ERO1B: variants seen among roughly 807,000 people sequenced by gnomAD.
ERO1B encodes the protein ERO1-like protein beta.
ERO1B carries 49 observed loss-of-function variants against 75.3 expected under a neutral mutation model. The ratio of observed to expected loss-of-function variants is 0.65; its 90% confidence interval spans 0.52 to 0.83. The LOEUF is 0.83. Ranked by LOEUF, ERO1B falls within the 40% of genes least tolerant of loss-of-function variation. The pLI is 0.00. For synonymous variants in ERO1B, 191 were observed against 192.9 expected (o/e 0.99, Z 0.08); for missense variants, 512 against 560.1 (o/e 0.91, Z 0.87).
chr1:236,253,530 A>G (rs1665090096), intron 2 of ERO1B, 25 bp from the exon 3 acceptor site: 1 of 1,494,360 alleles, frequency 6.7e-7, no homozygotes, highest in South Asian at 1.2e-5. Flanking sequence ...CAAAGTTAGT[A>G]AACTCATATT....
chr1:236,245,858 C>A (rs1222060063), intron 5 of ERO1B, among the ~76,000 whole-genome samples: 1 of 151,610 alleles, frequency 6.6e-6, no homozygotes, highest in African/African-American at 2.4e-5. Flanking sequence ...TCCCAAAGTG[C>A]TAGGATTACA....
At chr1:236,265,077 C>T (rs1194014771) in intron 2 of ERO1B, among the ~76,000 whole-genome samples, 1 of 149,534 alleles carries the variant, frequency 6.7e-6, no homozygotes, top group Admixed American at 6.7e-5. Flanking sequence ...AGAGCCATCA[C>T]ACTGGATAGT....
chr1:236,281,031 C>A (rs1187600782), intron 1 of ERO1B, among the ~76,000 whole-genome samples: 1 of 152,176 alleles, frequency 6.6e-6, no homozygotes, highest in Non-Finnish European at 1.5e-5. Context: ...CCTCCATCCA[C>A]GAGCCACAAC....
rs541393291 is a variant in ERO1B, at chr1:236,235,709, GT to G, written c.673+79del. On this transcript the variant is annotated intron_variant, in intron 8 of 15. Coordinates refer to ENST00000354619, the MANE Select transcript of ERO1B (RefSeq NM_019891.4). ...AATTAAACAAAATATAAAAATGAAA[GT>G]TTTTTCAATATGAAGTTTAGTTATA... is the stretch of plus-strand genomic sequence containing the variant. 2,516 of 1,252,446 alleles carry G rather than the reference GT, an allele frequency of 2.0e-3. 8 individuals are homozygous for G. The highest frequency in any genetic ancestry group is 2.6e-3 in the Non-Finnish European group (2,277 of 886,156). The allele number at this position is 1,252,446 out of a possible 1,614,324, so 77.6% of individuals were successfully genotyped here.
intron 2 of ERO1B, among the ~76,000 whole-genome samples, chr1:236,254,379 G>A (rs1749563): frequency 6.6e-6 from 1 of 151,790 alleles, no homozygotes; most frequent in Non-Finnish European, 1.5e-5. Flanking sequence ...CTACTTCTAT[G>A]TCCATACAGC....
Position 236,235,791 on chromosome 1 carries a change from C to T in ERO1B, c.671G>A (p.Arg224Gln), listed in dbSNP as rs1005156217. ...YRPLNPLAPSRGEDDGESFYT... is the reference protein window; with the variant it reads ...YRPLNPLAPSQGEDDGESFYT... The stretch of plus-strand genomic sequence containing the variant: ...AAATGTACATATGAAAAACCTACCT[C>T]GGCTAGGCGCCAGAGGATTTAAAGG... The change falls in exon 8 of 16, where the codon CGA (arginine) becomes CAA (glutamine). Residue 224 changes from arginine to glutamine, a missense_variant and splice_region_variant. Physicochemically the swap from Arg to Gln is conservative, Grantham distance 43. Transcript: ENST00000354619. 9 of 1,610,784 alleles carry T rather than the reference C, an allele frequency of 5.6e-6. No homozygotes were observed. The highest frequency in any genetic ancestry group is 2.2e-5 in the East Asian group (1 of 44,834).
At chr1:236,227,833 C>T (rs1188958973) in intron 10 of ERO1B, among the ~76,000 whole-genome samples, 2 of 152,126 alleles carry the variant, frequency 1.3e-5, no homozygotes, top group African/African-American at 4.8e-5. Flanking sequence ...TTCTCGTTCC[C>T]TAATTGGGAA....
intron 10 of ERO1B, among the ~76,000 whole-genome samples, chr1:236,228,137 A>C (rs1664321403): frequency 6.6e-6 from 1 of 152,198 alleles, no homozygotes; most frequent in Non-Finnish European, 1.5e-5. Context: ...AGACAAGAGA[A>C]GGGACAGTAA....
intron 14 of ERO1B, 153 bp downstream of exon 14, chr1:236,221,771 T>TTTAATA (rs10647377): frequency 0.46 from 282,052 of 614,722 alleles, 69,855 homozygotes; most frequent in East Asian, 0.88. Context: ...ACACATATAC[T>TTTAATA]TTAATTTTTT....
At chr1:236,281,528 T>G in intron 1 of ERO1B, 154 bp downstream of exon 1, 1 of 469,750 alleles carries the variant, frequency 2.1e-6, no homozygotes, top group Non-Finnish European at 3.5e-6. Flanking sequence ...CACTGGACGG[T>G]CAGGTCTCTG....
chr1:236,252,810 T>C (rs1301338726), intron 3 of ERO1B, among the ~76,000 whole-genome samples: 1 of 152,038 alleles, frequency 6.6e-6, no homozygotes, highest in Admixed American at 6.6e-5. Context: ...GACAACAAAC[T>C]AGACTAACTG....
rs775841080 is a variant in ERO1B, at chr1:236,235,854, T to C, written c.627-19A>G. The C allele has an allele frequency of 1.2e-6, 2 of 1,606,118 alleles. No homozygotes were observed. The highest frequency in any genetic ancestry group is 2.7e-5 in the African/African-American group (2 of 74,530). ...TCGAGGCCTGAAAAAGAAAGCATAA[T>C]ACCCAAACATAGAATGTTTTAACTT... On this transcript the variant is annotated intron_variant, in intron 7 of 15. Transcript: ENST00000354619.
rs373696271 is a variant in ERO1B at position 236,281,764 on chromosome 1, C to T, written c.20G>A (p.Arg7Gln). The change falls in exon 1 of 16, where the codon CGG becomes CAG. Residue 7 changes from arginine to glutamine, a missense_variant. By Grantham distance (43) the Arg-to-Gln change is conservative. Transcript: ENST00000354619. ...CGCTACCCCCTGCCCAGCGCCTGCC[C>T]GGCGGACCCCTTGGCTCATGCTGAC... MSQGVR[R>Q]AGAGQGVAAA... is the part of the protein sequence containing the mutation. 2.6e-6 allele frequency: 4 copies of T among 1,515,202 alleles called. No homozygotes were observed. The highest frequency in any genetic ancestry group is 3.5e-6 in the Non-Finnish European group (4 of 1,134,786). 93.9% of individuals were successfully genotyped at this position (1,515,202 alleles called of 1,614,324 possible).
chr1:236,276,970 G>T (rs1289181350), intron 1 of ERO1B, among the ~76,000 whole-genome samples: 1 of 152,144 alleles, frequency 6.6e-6, no homozygotes, highest in Admixed American at 6.6e-5. Flanking sequence ...ATGAGATCTG[G>T]TTGTTTAAAA....
intron 10 of ERO1B, among the ~76,000 whole-genome samples, chr1:236,228,230 C>G (rs1664323393): frequency 6.6e-6 from 1 of 152,152 alleles, no homozygotes; most frequent in Non-Finnish European, 1.5e-5. Context: ...GCAAAGCCCA[C>G]AAAGCCCCTA....
chr1:236,245,595 T>C (rs1451827390), intron 5 of ERO1B, among the ~76,000 whole-genome samples: 2 of 86,538 alleles, frequency 2.3e-5, no homozygotes, highest in Admixed American at 3.0e-4. Flanking sequence ...TTTTTTTTTT[T>C]TTTTTTTTGA....
rs1217469279 is a variant in ERO1B at position 236,239,821 on chromosome 1, ATGTG to A, written c.506-3427_506-3424del. Reference sequence around the variant, plus strand: ...TATATATATATGTGTGTATATATATATGTGTATATATATGTGTATATATATATGT... The same window carrying A: ...TATATATATATGTGTGTATATATATATATATATATGTGTATATATATATGT... On this transcript the variant is annotated intron_variant, in intron 6 of 15. Transcript: ENST00000354619. Among the ~76,000 whole-genome samples, 212 of 125,482 alleles carry A rather than the reference ATGTG, an allele frequency of 1.7e-3. 2 individuals are homozygous for A. In the East Asian group the frequency reaches 0.022, roughly 13 times the overall value. 82.3% of individuals were successfully genotyped at this position (125,482 alleles called of 152,430 possible).
At chr1:236,268,717 T>C (rs1001479677) in intron 2 of ERO1B, among the ~76,000 whole-genome samples, 7 of 151,570 alleles carry the variant, frequency 4.6e-5, no homozygotes, top group East Asian at 3.9e-4. Flanking sequence ...AAACCCCGTC[T>C]CTACTAAAAA....
At chr1:236,235,742 T>A (rs759273473) in intron 8 of ERO1B, 47 bp downstream of exon 8, 1 of 1,505,604 alleles carries the variant, frequency 6.6e-7, no homozygotes, top group South Asian at 1.2e-5. Context: ...TATAAAGACA[T>A]TTTATAAACA....
Sources: gnomAD v4.1 joint callset for allele counts (sites outside exome capture counted in the v4.1 genomes callset) on GRCh38, gnomAD v4.1.1 for gene constraint, MANE v1.5 for transcripts, NCBI Gene and HGNC (gene_info 2026-07-23, HGNC 2026-07-21) for gene names.